TSPAN13: variants seen among roughly 807,000 people sequenced by gnomAD.
TSPAN13 encodes the protein tetraspanin 13, also known as tetraspanin-13.
Under a neutral mutation model 26.9 loss-of-function variants are expected in TSPAN13, and 18 were observed. The observed-to-expected ratio is 0.67, with a 90% CI of 0.46 to 0.99. The LOEUF (loss-of-function observed/expected upper bound fraction) is 0.99. Among genes scored for constraint, TSPAN13 ranks in the 50% least tolerant of loss-of-function variants. The probability of loss-of-function intolerance (pLI) is 0.00; values close to 1 mark genes in which losing one functional copy is unlikely to be tolerated. For missense variants in TSPAN13, 201 were observed against 249.6 expected, an observed-to-expected ratio of 0.81 and a Z score of 1.31; for synonymous variants, 116 against 98.4, an observed-to-expected ratio of 1.18 and a Z score of -1.06.
At chr7:16,754,165 C>A in intron 1 of TSPAN13, 135 bp downstream of exon 1, 2 of 893,024 alleles carry the variant, frequency 2.2e-6, no homozygotes, top group Non-Finnish European at 3.5e-6. Flanking sequence ...TCTGCGCGCC[C>A]CCGGCCTCAC....
At position 16,762,822 on chromosome 7, in the gene TSPAN13, A is replaced by G. The variant is rs201325123; in HGVS notation, c.63+8792A>G. Among the ~76,000 whole-genome samples the G allele has an allele frequency of 3.3e-5, 5 of 152,276 alleles. No homozygotes were observed. The East Asian group carries it at 5.8e-4, about 18-fold the overall frequency. ...TACCATGAATTGTTCCAGGCCAGGC[A>G]GAAGATGGTCTAAAATGTCTTTCCT... On this transcript the variant is annotated intron_variant, in intron 1 of 5. Coordinates refer to ENST00000262067, the MANE Select transcript of TSPAN13 (RefSeq NM_014399.4).
chr7:16,778,661 G>A (rs1356333994), intron 4 of TSPAN13, among the ~76,000 whole-genome samples: 1 of 151,902 alleles, frequency 6.6e-6, no homozygotes, highest in Non-Finnish European at 1.5e-5. Context: ...TCACAATGTG[G>A]CAGCATCAAA....
chr7:16,766,787 GA>G (rs1784607904), intron 1 of TSPAN13, among the ~76,000 whole-genome samples: 1 of 152,176 alleles, frequency 6.6e-6, no homozygotes. Flanking sequence ...CAAAGCAGAA[GA>G]ATTTAGAATT....
chr7:16,754,842 G>T (rs758228883), intron 1 of TSPAN13, among the ~76,000 whole-genome samples: 4 of 152,142 alleles, frequency 2.6e-5, no homozygotes, highest in Admixed American at 2.6e-4. Flanking sequence ...AGGACAGATC[G>T]ACATTTATTG....
chr7:16,779,090 A>G lies in TSPAN13; in HGVS notation c.514A>G (p.Ile172Val), dbSNP rs905175846. Residue 172 changes from isoleucine to valine, a missense_variant, in exon 5 of 6, where the codon ATT becomes GTT. Ile to Val is a conservative substitution (Grantham distance 29). Transcript: ENST00000262067. ...AGEVLRFVGG[I>V]GLFFSFTEIL... Reference sequence around the variant, plus strand: ...AGAGGTTTTGAGATTTGTTGGTGGCATTGGCCTGTTCTTCAGTTTTACAGA... The same window carrying G: ...AGAGGTTTTGAGATTTGTTGGTGGCGTTGGCCTGTTCTTCAGTTTTACAGA... 4 of 1,613,922 alleles carry G rather than the reference A, an allele frequency of 2.5e-6. No individual in the cohort carries two copies. Among genetic ancestry groups the G allele is most frequent in the Non-Finnish European group, 3.4e-6 (4 of 1,179,916 alleles).
intron 1 of TSPAN13, among the ~76,000 whole-genome samples, chr7:16,755,065 GA>G (rs1414516415): frequency 6.6e-6 from 1 of 152,020 alleles, no homozygotes; most frequent in Non-Finnish European, 1.5e-5. Flanking sequence ...CCGGGCGGAA[GA>G]AACTTCCTCT....
chr7:16,777,188 T>C (rs1784761141), intron 3 of TSPAN13, 66 bp downstream of exon 3: 2 of 1,168,930 alleles, frequency 1.7e-6, no homozygotes, highest in Non-Finnish European at 1.3e-6. Flanking sequence ...AAAAGGAGGG[T>C]AATGATTAGA....
At chr7:16,773,936 T>G (rs1263078466) in intron 1 of TSPAN13, among the ~76,000 whole-genome samples, 2 of 152,218 alleles carry the variant, frequency 1.3e-5, no homozygotes, top group African/African-American at 4.8e-5. Context: ...ATGGTTGATT[T>G]TATATGTGAA....
chr7:16,777,293 G>A (rs1413716680), intron 3 of TSPAN13, among the ~76,000 whole-genome samples, 171 bp downstream of exon 3: 3 of 152,122 alleles, frequency 2.0e-5, no homozygotes, highest in Admixed American at 6.6e-5. Context: ...GGTTGGAGCC[G>A]GACACCATCA....
At chr7:16,767,244 A>G (rs747943964) in intron 1 of TSPAN13, among the ~76,000 whole-genome samples, 6 of 152,230 alleles carry the variant, frequency 3.9e-5, no homozygotes, top group Non-Finnish European at 7.3e-5. Flanking sequence ...TGTGTATGAC[A>G]ATGTCATATA....
chr7:16,769,699 G>T (rs1784652444), intron 1 of TSPAN13, among the ~76,000 whole-genome samples: 1 of 151,940 alleles, frequency 6.6e-6, no homozygotes, highest in Non-Finnish European at 1.5e-5. Context: ...CTTTGTAGAT[G>T]CTCCTAATAA....
intron 1 of TSPAN13, among the ~76,000 whole-genome samples, chr7:16,764,027 A>ATT (rs1363684452): frequency 4.0e-5 from 6 of 151,870 alleles, no homozygotes; most frequent in Non-Finnish European, 8.8e-5. Flanking sequence ...CTTTATTTTT[A>ATT]TTTTTATTTG....
chr7:16,762,916 C>T (rs1304087410), intron 1 of TSPAN13, among the ~76,000 whole-genome samples: 1 of 152,070 alleles, frequency 6.6e-6, no homozygotes, highest in Non-Finnish European at 1.5e-5. Flanking sequence ...GGTGAATATA[C>T]TTAAAGTATA....
At chr7:16,761,335 T>C (rs1293892694) in intron 1 of TSPAN13, among the ~76,000 whole-genome samples, 2 of 152,216 alleles carry the variant, frequency 1.3e-5, no homozygotes, top group Non-Finnish European at 2.9e-5. Context: ...TAGCAAAATG[T>C]AGATTATTTA....
At chr7:16,767,293 GT>G (rs1784616022) in intron 1 of TSPAN13, among the ~76,000 whole-genome samples, 1 of 151,996 alleles carries the variant, frequency 6.6e-6, no homozygotes, top group African/African-American at 2.4e-5. Flanking sequence ...ATATAGTATT[GT>G]TTTTTGTGTT....
chr7:16,773,963 T>C (rs989666634), intron 1 of TSPAN13, among the ~76,000 whole-genome samples: 1 of 152,228 alleles, frequency 6.6e-6, no homozygotes, highest in Non-Finnish European at 1.5e-5. Context: ...TAGGCTGTGG[T>C]GCCCAGTTGT....
In TSPAN13 at chr7:16,783,718, T is replaced by A; in HGVS notation, c.*227T>A. 1.8e-6 allele frequency: 1 copy of A among 556,948 alleles called. No individual in the cohort carries two copies. The highest frequency in any genetic ancestry group is 3.2e-6 in the Non-Finnish European group (1 of 313,650). 34.5% of individuals were successfully genotyped at this position (556,948 alleles called of 1,614,324 possible). A position where few individuals can be genotyped will look rare whatever the true frequency, so the allele number is the denominator to read the frequency against. ...CTCTGAAGCTCGGTGGCACCTGGAA[T>A]TTACTGTATTCATTGTCGGGCACTG... On this transcript the variant is annotated 3_prime_UTR_variant, in exon 6 of 6. Coordinates refer to ENST00000262067, the MANE Select transcript of TSPAN13 (RefSeq NM_014399.4).
At chr7:16,777,676 AG>A (rs1784769257) in intron 3 of TSPAN13, 121 bp from the exon 4 acceptor site, 1 of 606,990 alleles carries the variant, frequency 1.6e-6, no homozygotes, top group African/African-American at 1.9e-5. Context: ...GCCTTTGAAA[AG>A]TTTTAAGGAT....
chr7:16,756,412 G>A (rs11976749), intron 1 of TSPAN13, among the ~76,000 whole-genome samples: 109 of 152,256 alleles, frequency 7.2e-4, no homozygotes, highest in African/African-American at 2.4e-3. Context: ...ATATGGGAAC[G>A]GCAGATGCCT....
Sources: allele counts gnomAD v4.1 joint callset (sites outside exome capture counted in the v4.1 genomes callset), GRCh38; gene constraint gnomAD v4.1.1; transcripts MANE v1.5; gene names NCBI Gene and HGNC (gene_info 2026-07-23, HGNC 2026-07-21).